The following LRRIQ1 variants were observed in gnomAD, a reference collection of about 807,000 sequenced individuals.
The protein encoded by LRRIQ1 is leucine rich repeats and IQ motif containing 1.
LRRIQ1 carries 210 observed loss-of-function variants against 211.9 expected under a neutral mutation model. The observed-to-expected ratio is 0.99, with a 90% CI of 0.89 to 1.11. LRRIQ1 has a LOEUF of 1.11. LRRIQ1 is among the 50% of genes most tolerant of loss of function. LRRIQ1 has a pLI of 0.00. For missense variants in LRRIQ1, 2,136 were observed against 1,939.5 expected (o/e 1.10, Z -1.90); for synonymous variants, 699 against 650.1 (o/e 1.08, Z -1.14).
At chr12:85,058,163 GAAT>G (rs1881351515) in intron 8 of LRRIQ1, among the ~76,000 whole-genome samples, 1 of 151,930 alleles carries the variant, frequency 6.6e-6, no homozygotes, top group South Asian at 2.1e-4. Context: ...TCCTGTGAGA[GAAT>G]AATAAAATAG....
intron 24 of LRRIQ1, among the ~76,000 whole-genome samples, chr12:85,182,826 A>G (rs1369120798): frequency 6.6e-6 from 1 of 152,190 alleles, no homozygotes; most frequent in Non-Finnish European, 1.5e-5. Flanking sequence ...CATCTCCAGA[A>G]GAAATTCAAC....
intron 11 of LRRIQ1, chr12:85,076,751 G>A (rs994444907): frequency 6.2e-6 from 1 of 162,356 alleles, no homozygotes; most frequent in African/African-American, 2.5e-5. Context: ...TTGCTTATAA[G>A]AATCTTTTTC....
Position 85,225,814 on chromosome 12 carries a change from C to A in LRRIQ1, c.4823-3703C>A, listed in dbSNP as rs1894623440. Among the ~76,000 whole-genome samples the A allele has an allele frequency of 2.6e-5, 4 of 152,162 alleles. No individual in the cohort carries two copies. In the South Asian group the frequency reaches 8.3e-4, roughly 32 times the overall value. On this transcript the variant is annotated intron_variant, in intron 24 of 26. Coordinates refer to ENST00000393217, the MANE Select transcript of LRRIQ1 (RefSeq NM_001079910.2). ...TTTATCCAGGTCACCCTTATTCTTC[C>A]TACACAAGTTGCTAAAAGAAGGACT...
At chr12:85,255,016 A>G (rs1487024312) in intron 1 of LRRIQ1, among the ~76,000 whole-genome samples, 3 of 151,888 alleles carry the variant, frequency 2.0e-5, no homozygotes, top group African/African-American at 7.2e-5. Flanking sequence ...CTATATATAG[A>G]AATCTTTCTC....
chr12:85,165,600 G>A (rs1891118224), intron 24 of LRRIQ1, among the ~76,000 whole-genome samples: 2 of 149,574 alleles, frequency 1.3e-5, no homozygotes, highest in Admixed American at 1.4e-4. Flanking sequence ...ATCCTCCCAA[G>A]TAGCTGGCAT....
chr12:85,176,982 A>T (rs2136855496), intron 24 of LRRIQ1, among the ~76,000 whole-genome samples: 1 of 152,230 alleles, frequency 6.6e-6, no homozygotes, highest in South Asian at 2.1e-4. Flanking sequence ...ACTTGGAGTT[A>T]TGTAAGACAG....
At position 85,090,023 on chromosome 12, in the gene LRRIQ1, A is replaced by G. The variant is rs752762817; in HGVS notation, c.2888-8332A>G. Among the ~76,000 whole-genome samples, 129 of 152,332 alleles carry G rather than the reference A, an allele frequency of 8.5e-4. 1 individual carries two copies. Among genetic ancestry groups the G allele is most frequent in the Non-Finnish European group, 1.4e-3 (98 of 68,026 alleles). ...GGGCCCCACTGCCCTGTGTGGCCACAGGATACTGCTCCCCACATCCCGGCT... is the reference window on the plus strand; with the variant it reads ...GGGCCCCACTGCCCTGTGTGGCCACGGGATACTGCTCCCCACATCCCGGCT... On this transcript the variant is annotated intron_variant, in intron 11 of 26. Coordinates refer to ENST00000393217, the MANE Select transcript of LRRIQ1 (RefSeq NM_001079910.2).
intron 11 of LRRIQ1, among the ~76,000 whole-genome samples, 168 bp from the exon 12 acceptor site, chr12:85,098,187 A>G (rs1406383074): frequency 6.6e-6 from 1 of 152,152 alleles, no homozygotes; most frequent in Non-Finnish European, 1.5e-5. Context: ...TTAAATAATA[A>G]CACAGTTTAC....
At chr12:85,187,666 G>C (rs1345483159) in intron 24 of LRRIQ1, among the ~76,000 whole-genome samples, 1 of 151,528 alleles carries the variant, frequency 6.6e-6, no homozygotes, top group Non-Finnish European at 1.5e-5. Flanking sequence ...AAAAATAGCT[G>C]GGCGTGGTGG....
At chr12:85,192,273 C>G (rs1189241807) in intron 24 of LRRIQ1, among the ~76,000 whole-genome samples, 4 of 149,418 alleles carry the variant, frequency 2.7e-5, no homozygotes, top group Non-Finnish European at 5.9e-5. Flanking sequence ...TTTTCTGTTC[C>G]TGTGTTAGTT....
At chr12:85,198,138 A>T (rs186977777) in intron 24 of LRRIQ1, among the ~76,000 whole-genome samples, 216 of 118,256 alleles carry the variant, frequency 1.8e-3, no homozygotes, top group African/African-American at 7.4e-3. Context: ...TATTATATAT[A>T]ATATATTATA....
intron 19 of LRRIQ1, among the ~76,000 whole-genome samples, chr12:85,151,538 C>T (rs1248702241): frequency 6.6e-6 from 1 of 151,426 alleles, no homozygotes; most frequent in Non-Finnish European, 1.5e-5. Context: ...AATTCTAAGC[C>T]ATATTATATA....
chr12:85,225,121 G>A (rs990587911), intron 24 of LRRIQ1, among the ~76,000 whole-genome samples: 1 of 151,912 alleles, frequency 6.6e-6, no homozygotes, highest in Non-Finnish European at 1.5e-5. Context: ...CACTTATACT[G>A]AACATGTACA....
chr12:85,260,129 TA>T (rs34282611), intron 1 of LRRIQ1, among the ~76,000 whole-genome samples: 1,690 of 115,564 alleles, frequency 0.015, 22 homozygotes, highest in African/African-American at 0.039. Flanking sequence ...TCATGTTGGT[TA>T]AAAAAAAAAA....
chr12:85,067,949 A>G (rs1882623142), intron 10 of LRRIQ1, among the ~76,000 whole-genome samples: 1 of 151,880 alleles, frequency 6.6e-6, no homozygotes, highest in Admixed American at 6.6e-5. Context: ...CTTATCACCC[A>G]ACTTCCCTCT....
At chr12:85,265,442 T>C (rs1170486267), downstream of LRRIQ1, among the ~76,000 whole-genome samples, 2 of 152,018 alleles carry the variant, frequency 1.3e-5, no homozygotes, top group Non-Finnish European at 2.9e-5. Context: ...GTCACTAATA[T>C]GAGATGTAAT....
intron 11 of LRRIQ1, among the ~76,000 whole-genome samples, chr12:85,079,290 C>T (rs959267572): frequency 1.3e-4 from 17 of 126,416 alleles, no homozygotes; most frequent in Admixed American, 6.5e-4. Flanking sequence ...CACTCTGTCT[C>T]GGCTTACTGC....
chr12:85,217,473 T>TAC, intron 24 of LRRIQ1, among the ~76,000 whole-genome samples: 1 of 79,546 alleles, frequency 1.3e-5, no homozygotes, highest in African/African-American at 1.2e-4. Flanking sequence ...GAAGTATATA[T>TAC]ATATATATAT....
Position 85,056,319 on chromosome 12 carries a change from A to G in LRRIQ1, c.1526A>G (p.Lys509Arg), listed in dbSNP as rs748707867. Residue 509 changes from lysine to arginine, a missense_variant, in exon 8 of 27, where the codon AAA becomes AGA. Physicochemically the swap from Lys to Arg is conservative, Grantham distance 26. Transcript: ENST00000393217. ...QERKYENTDNKTELGNSDLKG... is the reference protein window; with the variant it reads ...QERKYENTDNRTELGNSDLKG... ...AGAAAATATGAAAATACAGATAACA[A>G]AACTGAATTGGGAAACTCTGATCTA... 1 of 1,597,354 alleles carries G rather than the reference A, an allele frequency of 6.3e-7. No homozygotes were observed. The highest frequency in any genetic ancestry group is 2.2e-5 in the East Asian group (1 of 44,538).
Sources: allele counts gnomAD v4.1 joint callset (sites outside exome capture counted in the v4.1 genomes callset), GRCh38; gene constraint gnomAD v4.1.1; transcripts MANE v1.5; gene names NCBI Gene and HGNC (gene_info 2026-07-23, HGNC 2026-07-21).